WDPCP: variants seen among roughly 807,000 people sequenced by gnomAD.
WDPCP encodes WD repeat-containing and planar cell polarity effector protein fritz homolog.
In WDPCP, 71 loss-of-function variants were observed where a neutral mutation model predicts 93.1. The observed-to-expected ratio is 0.76, with a 90% CI of 0.63 to 0.93. WDPCP has a LOEUF of 0.93. Among genes scored for constraint, WDPCP ranks in the 40% least tolerant of loss-of-function variants. The pLI, the probability that WDPCP is intolerant of heterozygous loss-of-function variation, is 0.00. For missense variants in WDPCP, 844 were observed against 887.4 expected (o/e 0.95, Z 0.62); for synonymous variants, 315 against 315.0 (o/e 1.00, Z 0.00).
intron 1 of WDPCP, among the ~76,000 whole-genome samples, chr2:63,573,299 C>T (rs1013731470): frequency 6.6e-6 from 1 of 152,058 alleles, no homozygotes; most frequent in African/African-American, 2.4e-5. Context: ...CTGGCTCCCT[C>T]ATTGCAACTT....
chr2:63,601,129 TGTTACTCCTGGGACCTTGGCTAG>T (rs2106619006), intron 3 of WDPCP, among the ~76,000 whole-genome samples: 1 of 152,358 alleles, frequency 6.6e-6, no homozygotes, highest in South Asian at 2.1e-4. Context: ...ACATGTTCTT[TGTTACTCCTGGGACCTTGGCTAG>T]GCATTGTTTC....
chr2:63,808,534 G>C (rs1274817029), intron 2 of WDPCP, among the ~76,000 whole-genome samples: 1 of 152,228 alleles, frequency 6.6e-6, no homozygotes, highest in Non-Finnish European at 1.5e-5. Context: ...GGTGGAGACG[G>C]GGTTTCGCTG....
intron 2 of WDPCP, among the ~76,000 whole-genome samples, chr2:63,652,757 C>G (rs555069354): frequency 1.1e-3 from 90 of 83,142 alleles, no homozygotes; most frequent in Admixed American, 4.0e-3. Context: ...CTCTTAGTAC[C>G]TGGTTGGAAA....
chr2:63,405,727 G>A (rs1006970315), intron 9 of WDPCP, among the ~76,000 whole-genome samples: 1 of 152,036 alleles, frequency 6.6e-6, no homozygotes, highest in Non-Finnish European at 1.5e-5. Flanking sequence ...GGAACACAAT[G>A]CAGAAGAACA....
At chr2:63,762,121 A>T (rs1028016143) in intron 2 of WDPCP, among the ~76,000 whole-genome samples, 1 of 152,192 alleles carries the variant, frequency 6.6e-6, no homozygotes, top group African/African-American at 2.4e-5. Flanking sequence ...TGGGGGCATT[A>T]TGGCCCAAAT....
chr2:63,529,308 T>C (rs912950228), intron 1 of WDPCP, among the ~76,000 whole-genome samples: 3 of 152,204 alleles, frequency 2.0e-5, no homozygotes, highest in Non-Finnish European at 2.9e-5. Context: ...TCAAAGGGAA[T>C]GCTTCCAGTT....
chr2:63,423,987 G>A lies in WDPCP; in HGVS notation c.825+9758C>T, dbSNP rs146049337. Among the ~76,000 whole-genome samples the A allele has an allele frequency of 2.8e-3, 421 of 152,144 alleles. 2 individuals carry two copies. The highest frequency in any genetic ancestry group is 9.5e-3 in the African/African-American group (396 of 41,504). On this transcript the variant is annotated intron_variant, in intron 9 of 17. Coordinates refer to ENST00000272321, the MANE Select transcript of WDPCP (RefSeq NM_015910.7). ...ATTCAATAGAGAGGGATATAGACAC[G>A]AAGCTGAAGATGGAAGAAACTAGGA...
chr2:63,177,061 C>A (rs1673865195), intron 14 of WDPCP, among the ~76,000 whole-genome samples: 1 of 152,008 alleles, frequency 6.6e-6, no homozygotes, highest in South Asian at 2.1e-4. Context: ...AATTGTTTGA[C>A]CATATGGTTA....
intron 1 of WDPCP, among the ~76,000 whole-genome samples, chr2:63,527,527 T>C (rs1395862033): frequency 6.6e-6 from 1 of 151,980 alleles, no homozygotes; most frequent in Non-Finnish European, 1.5e-5. Context: ...GCTTCATCCA[T>C]GTTCCTACAA....
At chr2:63,494,287 T>TGACGATGATGACGACGAC (rs1553411030) in intron 1 of WDPCP, among the ~76,000 whole-genome samples, 1 of 150,334 alleles carries the variant, frequency 6.7e-6, no homozygotes, top group Non-Finnish European at 1.5e-5. Flanking sequence ...ATGATGATGA[T>TGACGATGATGACGACGAC]GACGACGACG....
At chr2:63,198,346 G>C (rs1365434697) in intron 14 of WDPCP, among the ~76,000 whole-genome samples, 1 of 152,020 alleles carries the variant, frequency 6.6e-6, no homozygotes, top group Non-Finnish European at 1.5e-5. Context: ...TATGGGGCTA[G>C]GTTCTTTTTA....
At chr2:63,306,693 A>C (rs541954320) in intron 13 of WDPCP, among the ~76,000 whole-genome samples, 1 of 152,218 alleles carries the variant, frequency 6.6e-6, no homozygotes, top group African/African-American at 2.4e-5. Context: ...ATTCAACACC[A>C]CTTCATGCTA....
chr2:63,689,170 T>C (rs1668855260), intron 2 of WDPCP, among the ~76,000 whole-genome samples: 1 of 152,214 alleles, frequency 6.6e-6, no homozygotes, highest in South Asian at 2.1e-4. Context: ...CAAAGCATTA[T>C]TACTAGGGTC....
intron 1 of WDPCP, among the ~76,000 whole-genome samples, chr2:63,493,772 C>T (rs10865337): frequency 0.81 from 123,531 of 152,076 alleles, 50,977 homozygotes; most frequent in East Asian, 0.98. Context: ...TGGAAATAAA[C>T]ATAGTACTAT....
At chr2:63,607,610 C>G (rs909338714) in intron 3 of WDPCP, among the ~76,000 whole-genome samples, 1 of 151,450 alleles carries the variant, frequency 6.6e-6, no homozygotes, top group Non-Finnish European at 1.5e-5. Flanking sequence ...GCGGGCGGAT[C>G]ACTACGTCAG....
At chr2:63,537,036 G>A (rs1342569156) in intron 1 of WDPCP, among the ~76,000 whole-genome samples, 6 of 152,014 alleles carry the variant, frequency 3.9e-5, no homozygotes, top group Non-Finnish European at 8.8e-5. Flanking sequence ...CCATAGTACT[G>A]GAATTAGGAG....
intron 1 of WDPCP, among the ~76,000 whole-genome samples, chr2:63,586,582 A>G (rs1277472217): frequency 6.6e-6 from 1 of 152,234 alleles, no homozygotes; most frequent in African/African-American, 2.4e-5. Flanking sequence ...CTTACCAAAC[A>G]TCTTCTCTTG....
At chr2:63,320,353 T>G (rs4671480) in intron 12 of WDPCP, among the ~76,000 whole-genome samples, 121,917 of 152,160 alleles carry the variant, frequency 0.8, 49,716 homozygotes, top group East Asian at 0.96. Context: ...AAATAAATGC[T>G]AGATGGAAAT....
intron 1 of WDPCP, among the ~76,000 whole-genome samples, chr2:63,516,870 A>T (rs1702588995): frequency 6.6e-6 from 1 of 152,056 alleles, no homozygotes; most frequent in Admixed American, 6.5e-5. Context: ...TTCCTTTCCC[A>T]GCAACATGGT....
Sources: allele counts gnomAD v4.1 joint callset (sites outside exome capture counted in the v4.1 genomes callset), GRCh38; gene constraint gnomAD v4.1.1; transcripts MANE v1.5; gene names NCBI Gene and HGNC (gene_info 2026-07-23, HGNC 2026-07-21).